The following TENM3 variants were observed in gnomAD, a reference collection of about 807,000 sequenced individuals.
TENM3 encodes the protein teneurin transmembrane protein 3, also known as teneurin-3.
In TENM3, 63 loss-of-function variants were observed where a neutral mutation model predicts 255.1. The ratio of observed to expected loss-of-function variants is 0.25; its 90% CI spans 0.20 to 0.30. The LOEUF (loss-of-function observed/expected upper bound fraction) is 0.30. Ranked by LOEUF, TENM3 falls within the 10% of genes least tolerant of loss-of-function variation. TENM3 has a pLI of 1.00. For missense variants in TENM3, 2,929 were observed against 3,461.1 expected (o/e 0.85, Z 3.86); for synonymous variants, 1,306 against 1,322.3 (o/e 0.99, Z 0.27).
intron 3 of TENM3, among the ~76,000 whole-genome samples, chr4:182,425,978 A>C (rs1771177523): frequency 7.0e-6 from 1 of 141,986 alleles, no homozygotes; most frequent in South Asian, 2.3e-4. Flanking sequence ...ATTGCACTCC[A>C]GCCTAAGAGA....
chr4:181,533,474 A>G, the TENM3 span, among the ~76,000 whole-genome samples: 2 of 152,074 alleles, frequency 1.3e-5, no homozygotes, highest in African/African-American at 2.4e-5. Context: ...ATGTGTTTCC[A>G]TACCTTCTCT....
chr4:181,924,774 AAC>A, the TENM3 span, among the ~76,000 whole-genome samples: 21 of 152,172 alleles, frequency 1.4e-4, no homozygotes, highest in African/African-American at 5.1e-4. Context: ...GAACACACAA[AAC>A]ACACAACTTG....
At chr4:182,088,237 C>T in the TENM3 span, among the ~76,000 whole-genome samples, 4 of 152,046 alleles carry the variant, frequency 2.6e-5, no homozygotes, top group South Asian at 2.1e-4. Context: ...ATTATGAGTA[C>T]GAAAATAAGC....
At chr4:181,667,776 A>G in the TENM3 span, among the ~76,000 whole-genome samples, 1 of 152,126 alleles carries the variant, frequency 6.6e-6, no homozygotes, top group African/African-American at 2.4e-5. Flanking sequence ...GCCTCACAGA[A>G]TGGGCTAAGA....
the TENM3 span, among the ~76,000 whole-genome samples, chr4:181,670,270 G>T: frequency 6.6e-6 from 1 of 152,138 alleles, no homozygotes; most frequent in Non-Finnish European, 1.5e-5. Flanking sequence ...GGAGGTAAAA[G>T]GGTCCGTCCC....
At chr4:181,529,564 GGTT>G in the TENM3 span, among the ~76,000 whole-genome samples, 1 of 152,122 alleles carries the variant, frequency 6.6e-6, no homozygotes, top group Non-Finnish European at 1.5e-5. Context: ...TGGGGTGGGG[GGTT>G]GTTATTCACC....
At chr4:181,836,398 C>G in the TENM3 span, among the ~76,000 whole-genome samples, 1 of 152,102 alleles carries the variant, frequency 6.6e-6, no homozygotes, top group Non-Finnish European at 1.5e-5. Context: ...AGCATTTAAA[C>G]TTCTTAAATA....
the TENM3 span, among the ~76,000 whole-genome samples, chr4:181,989,979 T>C: frequency 6.6e-6 from 1 of 152,140 alleles, no homozygotes. Context: ...TATAGCATTA[T>C]TGTACATATA....
the TENM3 span, among the ~76,000 whole-genome samples, chr4:181,645,736 C>T: frequency 6.6e-6 from 1 of 152,124 alleles, no homozygotes; most frequent in African/African-American, 2.4e-5. Context: ...TTTAAAGCAG[C>T]CGCTGAACTG....
At chr4:181,553,648 A>G in the TENM3 span, among the ~76,000 whole-genome samples, 5 of 151,858 alleles carry the variant, frequency 3.3e-5, no homozygotes, top group African/African-American at 7.3e-5. Flanking sequence ...TCACCGTGTT[A>G]GCCAGGATGG....
intron 16 of TENM3, among the ~76,000 whole-genome samples, chr4:182,732,004 A>G (rs1053207237): frequency 3.3e-5 from 5 of 151,918 alleles, no homozygotes; most frequent in Non-Finnish European, 1.5e-5. Context: ...GATGGTCTCC[A>G]TCTCCTGACC....
At chr4:182,399,501 G>T (rs534770805) in intron 3 of TENM3, among the ~76,000 whole-genome samples, 1 of 152,122 alleles carries the variant, frequency 6.6e-6, no homozygotes, top group Admixed American at 6.5e-5. Context: ...ATATTTCTGC[G>T]TGTGAAAATT....
At chr4:182,055,397 A>C in the TENM3 span, among the ~76,000 whole-genome samples, 2 of 145,958 alleles carry the variant, frequency 1.4e-5, no homozygotes, top group Non-Finnish European at 3.0e-5. Flanking sequence ...CAGATGCTAC[A>C]TGTTCCCCTC....
the TENM3 span, among the ~76,000 whole-genome samples, chr4:181,637,402 G>A: frequency 6.6e-6 from 1 of 152,204 alleles, no homozygotes; most frequent in Non-Finnish European, 1.5e-5. Context: ...TGGGGAATGA[G>A]TAGGTGGAAA....
chr4:181,527,422 G>T, the TENM3 span, among the ~76,000 whole-genome samples: 8 of 152,194 alleles, frequency 5.3e-5, no homozygotes, highest in East Asian at 1.6e-3. Flanking sequence ...AGGCTGGAGT[G>T]CAGTGGCTTG....
chr4:181,965,893 C>T, the TENM3 span, among the ~76,000 whole-genome samples: 2 of 152,150 alleles, frequency 1.3e-5, no homozygotes, highest in Non-Finnish European at 2.9e-5. Context: ...TAAGATTGAT[C>T]CATGGGTTCA....
At chr4:182,343,176 G>T (rs184113749) in intron 2 of TENM3, among the ~76,000 whole-genome samples, 6 of 152,252 alleles carry the variant, frequency 3.9e-5, no homozygotes, top group Non-Finnish European at 7.4e-5. Context: ...AAACAAAAAT[G>T]CCTAATATAA....
chr4:181,680,684 T>C, the TENM3 span, among the ~76,000 whole-genome samples: 1 of 152,150 alleles, frequency 6.6e-6, no homozygotes, highest in African/African-American at 2.4e-5. Flanking sequence ...TTGGTGCTTT[T>C]TTTCTGTAAA....
chr4:182,516,503 T>G (rs940711620), intron 3 of TENM3, among the ~76,000 whole-genome samples: 1 of 152,220 alleles, frequency 6.6e-6, no homozygotes, highest in Non-Finnish European at 1.5e-5. Context: ...ACACTTTTTA[T>G]TAGGGTTCTT....
Sources: allele counts gnomAD v4.1 joint callset (sites outside exome capture counted in the v4.1 genomes callset), GRCh38; gene constraint gnomAD v4.1.1; transcripts MANE v1.5; gene names NCBI Gene and HGNC (gene_info 2026-07-23, HGNC 2026-07-21).